Variants in PPFIA3 observed in about 807,000 individuals in gnomAD.
PPFIA3 encodes the protein PPFI scaffold protein A3.
PPFIA3 carries 26 observed loss-of-function variants against 145.8 expected under a neutral mutation model. The ratio of observed to expected loss-of-function variants is 0.18; its 90% confidence interval spans 0.13 to 0.25. The LOEUF (loss-of-function observed/expected upper bound fraction) is 0.25, where lower values mean the gene tolerates loss of function less well. PPFIA3 is among the 10% of genes least tolerant of loss of function. The pLI is 1.00. For missense variants in PPFIA3, 1,008 were observed against 1,587.8 expected (o/e 0.63, Z 6.21); for synonymous variants, 645 against 661.4 (o/e 0.98, Z 0.38).
intron 1 of PPFIA3, among the ~76,000 whole-genome samples, chr19:49,127,401 A>G (rs575905801): frequency 6.7e-6 from 1 of 149,724 alleles, no homozygotes; most frequent in Non-Finnish European, 1.5e-5. Flanking sequence ...AAAAAAAAAA[A>G]AAAAAAGAAA....
rs544737637 is a variant in PPFIA3 at position 49,150,379 on chromosome 19, C to G, written c.*157C>G. 92 of 461,492 alleles carry G rather than the reference C, an allele frequency of 2.0e-4. No homozygotes were observed. The highest frequency in any genetic ancestry group is 1.7e-3 in the African/African-American group (84 of 49,900). 28.6% of individuals were successfully genotyped at this position (461,492 alleles called of 1,614,324 possible). On this transcript the variant is annotated 3_prime_UTR_variant, in exon 30 of 30. Coordinates refer to ENST00000334186, the MANE Select transcript of PPFIA3 (RefSeq NM_003660.4). ...TACAGACCAGCGGGAGTGCGCGCGC[C>G]CGCCTCGCACAGGGCCGGGGCCTGG... is the stretch of plus-strand genomic sequence containing the variant.
intron 5 of PPFIA3, among the ~76,000 whole-genome samples, 154 bp from the exon 6 acceptor site, chr19:49,129,839 G>T (rs959112490): frequency 6.6e-6 from 1 of 152,108 alleles, no homozygotes; most frequent in Non-Finnish European, 1.5e-5. Context: ...GAGGGAGGGA[G>T]CCTAAGGGTA....
intron 11 of PPFIA3, among the ~76,000 whole-genome samples, chr19:49,134,378 T>G (rs2041112302): frequency 6.6e-6 from 1 of 152,188 alleles, no homozygotes; most frequent in Non-Finnish European, 1.5e-5. Context: ...CACCCATGCC[T>G]CGAGTCCTTG....
Position 49,138,336 on chromosome 19 carries a change from C to T in PPFIA3, c.1985C>T (p.Ser662Phe). The T allele has an allele frequency of 6.2e-7, 1 of 1,611,710 alleles. No individual in the cohort carries two copies. The highest frequency in any genetic ancestry group is 1.8e-4 in the Middle Eastern group (1 of 5,614). ...SCSLPPSLTT[S>F]TLASPSPPSS... Reference sequence around the variant, plus strand: ...TCCCTGCCCCCCTCCCTCACCACCTCTACCCTTGCCAGCCCCTCCCCTCCC... The same window carrying T: ...TCCCTGCCCCCCTCCCTCACCACCTTTACCCTTGCCAGCCCCTCCCCTCCC... Residue 662 changes from serine to phenylalanine, a missense_variant, in exon 16 of 30, where the codon TCT (serine) becomes TTT (phenylalanine). By Grantham distance (155) the Ser-to-Phe change is radical (BLOSUM62 -2). Coordinates refer to ENST00000334186, the MANE Select transcript of PPFIA3 (RefSeq NM_003660.4).
intron 21 of PPFIA3, 46 bp downstream of exon 21, chr19:49,143,050 C>T (rs1344781689): frequency 6.3e-7 from 1 of 1,578,576 alleles, no homozygotes; most frequent in South Asian, 1.1e-5. Context: ...CTCAGAGCCC[C>T]GCCTCTTGCC....
At position 49,149,984 on chromosome 19, in the gene PPFIA3, T is replaced by C. The variant is rs1469347051; in HGVS notation, c.3527-96T>C. The C allele has an allele frequency of 2.1e-6, 3 of 1,406,456 alleles. No homozygotes were observed. The highest frequency in any genetic ancestry group is 2.8e-5 in the African/African-American group (2 of 70,552). The allele number at this position is 1,406,456 out of a possible 1,614,324, so 87.1% of individuals were successfully genotyped here. On this transcript the variant is annotated intron_variant, in intron 28 of 29. Coordinates refer to ENST00000334186, the MANE Select transcript of PPFIA3 (RefSeq NM_003660.4). This position sits in a 1 kb window ranked among gnomAD's most constrained non-coding sequence, Gnocchi z 5.7. ...AAACCCATGTGGAGCCCGGCGATCG[T>C]TGTGACATCGGGAAGGGAAGTCCAA...
rs564041081 is a variant in PPFIA3 at position 49,133,983 on chromosome 19, G to A, written c.1246-51G>A. ...GGGGGTGGGGCTTAGAGGAAGGGCC[G>A]TGGTCTGGGCAGGGTGGGCTTAACA... On this transcript the variant is annotated intron_variant, in intron 10 of 29. Coordinates refer to ENST00000334186, the MANE Select transcript of PPFIA3 (RefSeq NM_003660.4). This position sits in a 1 kb window ranked among gnomAD's most constrained non-coding sequence, Gnocchi z 7.2. 3 of 1,604,604 alleles carry A rather than the reference G, an allele frequency of 1.9e-6. No individual in the cohort carries two copies. Among genetic ancestry groups the A allele is most frequent in the East Asian group, 2.2e-5 (1 of 44,778 alleles).
In PPFIA3 at chr19:49,149,484, A is replaced by G; in HGVS notation, c.3355-63A>G. The stretch of plus-strand genomic sequence containing the variant: ...TGAGACCCGGAGAGGGGTGGAGTCA[A>G]AGGAAGGGGCGGAGTCAGACAAGGC... On this transcript the variant is annotated intron_variant, in intron 27 of 29. Coordinates refer to ENST00000334186, the MANE Select transcript of PPFIA3 (RefSeq NM_003660.4). The surrounding 1 kb of genome is among the most constrained non-coding windows in gnomAD (Gnocchi z 5.7). The G allele has an allele frequency of 6.2e-7, 1 of 1,605,050 alleles. No individual in the cohort carries two copies. Among genetic ancestry groups the G allele is most frequent in the South Asian group, 1.1e-5 (1 of 90,520 alleles).
Position 49,138,283 on chromosome 19 carries a change from C to T in PPFIA3, c.1932C>T (p.Asp644=), listed in dbSNP as rs897188793. The change falls in exon 16 of 30, where the codon GAC becomes GAT. Residue 644 remains aspartate (D), a synonymous_variant. Transcript: ENST00000334186. ...LESRVSSSGL[D]SLGRYRSSCS... ...GTCGGGTGTCCAGCTCTGGCTTGGACTCGTTGGGCCGCTACCGCAGCAGCT... is the reference window on the plus strand; with the variant it reads ...GTCGGGTGTCCAGCTCTGGCTTGGATTCGTTGGGCCGCTACCGCAGCAGCT... 6.2e-7 allele frequency: 1 copy of T among 1,613,590 alleles called. No individual in the cohort carries two copies. The highest frequency in any genetic ancestry group is 8.5e-7 in the Non-Finnish European group (1 of 1,179,782).
intron 18 of PPFIA3, among the ~76,000 whole-genome samples, chr19:49,140,639 CTTTTTTT>C (rs4002348): frequency 6.3e-5 from 4 of 63,798 alleles, no homozygotes; most frequent in African/African-American, 7.9e-5. Flanking sequence ...ACTCATTTAC[CTTTTTTT>C]TTTTTTTTTT....
intron 1 of PPFIA3, among the ~76,000 whole-genome samples, chr19:49,124,908 C>CA (rs2040978470): frequency 6.6e-6 from 1 of 151,932 alleles, no homozygotes; most frequent in Non-Finnish European, 1.5e-5. Flanking sequence ...ACTAAACATA[C>CA]AAAAAATAAT....
chr19:49,145,761 CACATTGCCTGGT>C, intron 21 of PPFIA3, 170 bp from the exon 22 acceptor site: 1 of 623,064 alleles, frequency 1.6e-6, no homozygotes, highest in Non-Finnish European at 2.9e-6. Flanking sequence ...ACTCCAAAGT[CACATTGCCTGGT>C]ACATGGCAGG....
chr19:49,135,964 G>A (rs1408822203), intron 14 of PPFIA3, 41 bp downstream of exon 14: 3 of 1,530,910 alleles, frequency 2.0e-6, no homozygotes, highest in East Asian at 4.7e-5. Context: ...GCAGGGCTTG[G>A]GCGGGCAGCT....
rs1404826916 is a variant in PPFIA3 at position 49,133,148 on chromosome 19, G to A, written c.1026+1G>A. The A allele has an allele frequency of 6.3e-7, 1 of 1,596,034 alleles. No homozygotes were observed. The highest frequency in any genetic ancestry group is 8.5e-7 in the Non-Finnish European group (1 of 1,169,716). On this transcript the variant is annotated splice_donor_variant, in intron 8 of 29. Coordinates refer to ENST00000334186, the MANE Select transcript of PPFIA3 (RefSeq NM_003660.4). LOFTEE classifies it high-confidence loss of function. The surrounding 1 kb of genome is among the most constrained non-coding windows in gnomAD (Gnocchi z 7.2). ...TAGCAAGGAGTCGTTGTATCGGCAG[G>A]TGGGGGCGCGGCCGGGAGGGGCGAT...
At chr19:49,141,659 A>T in intron 19 of PPFIA3, 146 bp downstream of exon 19, 1 of 576,810 alleles carries the variant, frequency 1.7e-6, no homozygotes, top group East Asian at 3.5e-5. Flanking sequence ...GTGGTGGTGA[A>T]CAGAAATGGG....
In PPFIA3 at chr19:49,140,639, C is replaced by CTTTTTTTTTTTTT. The variant is rs4002348; in HGVS notation, c.2368+567_2368+579dup. Among the ~76,000 whole-genome samples, 40 of 63,832 alleles carry CTTTTTTTTTTTTT rather than the reference C, an allele frequency of 6.3e-4. 2 individuals carry two copies. The highest frequency in any genetic ancestry group is 3.1e-3 in the African/African-American group (39 of 12,754). The allele number at this position is 63,832 out of a possible 152,430, so 41.9% of individuals were successfully genotyped here. Reference sequence around the variant, plus strand: ...GTGCTGGGATTACAGACTCATTTACCTTTTTTTTTTTTTTTTTTTTTTTTT... The same window carrying CTTTTTTTTTTTTT: ...GTGCTGGGATTACAGACTCATTTACCTTTTTTTTTTTTTTTTTTTTTTTTTTTTTTTTTTTTTT... On this transcript the variant is annotated intron_variant, in intron 18 of 29. Transcript: ENST00000334186.
Position 49,133,733 on chromosome 19 carries a change from T to C in PPFIA3, c.1162-63T>C, listed in dbSNP as rs1333378292. 2 of 1,531,346 alleles carry C rather than the reference T, an allele frequency of 1.3e-6. No individual in the cohort carries two copies. Among genetic ancestry groups the C allele is most frequent in the Non-Finnish European group, 9.0e-7 (1 of 1,114,334 alleles). 94.9% of individuals were successfully genotyped at this position (1,531,346 alleles called of 1,614,324 possible). ...GCCTGGCGCTCAGCCTTGGAGGAGG[T>C]GGGGCTGGGAGCCTGACTGATCCTG... On this transcript the variant is annotated intron_variant, in intron 9 of 29. Transcript: ENST00000334186. This position sits in a 1 kb window ranked among gnomAD's most constrained non-coding sequence, Gnocchi z 7.2.
chr19:49,134,850 C>A lies in PPFIA3; in HGVS notation c.1455C>A (p.Ala485=), dbSNP rs367708837. The change falls in exon 13 of 30, where the codon GCC becomes GCA. Residue 485 remains alanine, a synonymous_variant. Coordinates refer to ENST00000334186, the MANE Select transcript of PPFIA3 (RefSeq NM_003660.4). ...CCGGCCCCCAGGAGCAGCTCTTGGC[C>A]GAAATGGAGCGGATGCAGATGGAGA... ...ELLLNKEQLL[A]EMERMQMEID... 3.8e-6 allele frequency: 6 copies of A among 1,596,840 alleles called. No individual in the cohort carries two copies. Among genetic ancestry groups the A allele is most frequent in the African/African-American group, 1.3e-5 (1 of 74,592 alleles).
Position 49,149,409 on chromosome 19 carries a change from TG to T in PPFIA3, c.3354+86del, listed in dbSNP as rs1568442989. On this transcript the variant is annotated intron_variant, in intron 27 of 29. Coordinates refer to ENST00000334186, the MANE Select transcript of PPFIA3 (RefSeq NM_003660.4). The surrounding 1 kb of genome is among the most constrained non-coding windows in gnomAD (Gnocchi z 5.7). ...TGAGGGGGCGGGGCCTGACTATTAATGGTCACGGTTGGAGGCGGGGCCAGGA... is the reference window on the plus strand; with the variant it reads ...TGAGGGGGCGGGGCCTGACTATTAATGTCACGGTTGGAGGCGGGGCCAGGA... 3.1e-6 allele frequency: 5 copies of T among 1,588,110 alleles called. No individual in the cohort carries two copies. Among genetic ancestry groups the T allele is most frequent in the African/African-American group, 1.3e-5 (1 of 74,184 alleles).
Sources: allele counts gnomAD v4.1 joint callset (sites outside exome capture counted in the v4.1 genomes callset), GRCh38; gene constraint gnomAD v4.1.1; non-coding constraint Gnocchi (gnomAD v3.1); transcripts MANE v1.5; gene names NCBI Gene and HGNC (gene_info 2026-07-23, HGNC 2026-07-21).